The following PRKD3 variants were observed in gnomAD, a reference collection of about 807,000 sequenced individuals.
PRKD3 encodes the protein serine/threonine-protein kinase D3.
Under a neutral mutation model 99.2 loss-of-function variants are expected in PRKD3, and 47 were observed. The observed-to-expected ratio is 0.47, with a 90% CI of 0.38 to 0.60. The LOEUF (loss-of-function observed/expected upper bound fraction) is 0.60. Ranked by LOEUF, PRKD3 falls within the 20% of genes least tolerant of loss-of-function variation. The pLI is 0.00. For synonymous variants in PRKD3, 392 were observed against 355.4 expected (o/e 1.10, Z -1.16); for missense variants, 1,019 against 1,088.4 (o/e 0.94, Z 0.90).
chr2:37,252,686 T>G lies in PRKD3; in HGVS notation c.*491A>C, dbSNP rs1384076082. ...GTTAAACCAATGTTAAAAGTCCTTA[T>G]AGTAACATCACATAATGGTAACCTC... On this transcript the variant is annotated 3_prime_UTR_variant, in exon 19 of 19. Transcript: ENST00000234179. The G allele has an allele frequency of 1.3e-5, 2 of 152,028 alleles. No homozygotes were observed. The highest frequency in any genetic ancestry group is 2.9e-5 in the Non-Finnish European group (2 of 68,002). The allele number at this position is 152,028 out of a possible 1,614,324, so 9.4% of individuals were successfully genotyped here.
At chr2:37,264,013 C>T (rs1378459915) in intron 14 of PRKD3, among the ~76,000 whole-genome samples, 1 of 152,088 alleles carries the variant, frequency 6.6e-6, no homozygotes, top group Non-Finnish European at 1.5e-5. Flanking sequence ...AACACCACAC[C>T]TTTTCTCCCA....
chr2:37,272,405 G>T lies in PRKD3; in HGVS notation c.1679C>A (p.Ser560Tyr). 6.2e-7 allele frequency: 1 copy of T among 1,606,550 alleles called. No individual in the cohort carries two copies. Among genetic ancestry groups the T allele is most frequent in the Non-Finnish European group, 8.5e-7 (1 of 1,177,688 alleles). The change falls in exon 12 of 19, where the codon TCT becomes TAT. Residue 560 changes from serine (S) to tyrosine (Y), a missense_variant. By Grantham distance (144) the Ser-to-Tyr change is moderately radical (BLOSUM62 -2). Transcript: ENST00000234179. ...HKDLSTSISV[S>Y]NCQIQENVDI... ...CACATTCTCCTGAATCTGACAATTA[G>T]ATACAGAGATACTTGTAGACAAATC...
intron 2 of PRKD3, among the ~76,000 whole-genome samples, chr2:37,300,732 CTCTT>C (rs1670886967): frequency 6.6e-6 from 1 of 152,206 alleles, no homozygotes; most frequent in Admixed American, 6.5e-5. Context: ...CTATTCCAAT[CTCTT>C]GTGAGTATGA....
At chr2:37,304,571 T>C (rs1572692780) in intron 2 of PRKD3, among the ~76,000 whole-genome samples, 2 of 152,078 alleles carry the variant, frequency 1.3e-5, no homozygotes, top group Non-Finnish European at 2.9e-5. Flanking sequence ...TGAAACGCCA[T>C]CTCTAGTAAA....
At chr2:37,289,639 G>T (rs939505190) in intron 4 of PRKD3, 126 bp from the exon 5 acceptor site, 7 of 742,826 alleles carry the variant, frequency 9.4e-6, no homozygotes, top group Non-Finnish European at 1.4e-5. Context: ...TCCTAATTAA[G>T]AACCCAGACA....
intron 2 of PRKD3, among the ~76,000 whole-genome samples, chr2:37,315,369 A>G (rs891658473): frequency 1.3e-5 from 2 of 152,182 alleles, no homozygotes; most frequent in Non-Finnish European, 2.9e-5. Flanking sequence ...ATTTTCAAAT[A>G]TTTTGTCGTA....
In PRKD3 at chr2:37,319,703, A is replaced by G. The variant is rs540279666; in HGVS notation, c.-655-2524T>C. ...CTGTATACTCCTTGTTACTCAGCCT[A>G]TATCACAATTATGTTTATATCTATG... is the stretch of plus-strand genomic sequence containing the variant. On this transcript the variant is annotated intron_variant, in intron 1 of 18. Coordinates refer to ENST00000234179, the MANE Select transcript of PRKD3 (RefSeq NM_005813.6). Among the ~76,000 whole-genome samples, 21 of 152,264 alleles carry G rather than the reference A, an allele frequency of 1.4e-4. No homozygotes were observed. In the South Asian group the frequency reaches 4.4e-3, roughly 32 times the overall value.
At chr2:37,300,544 C>T (rs1558569271) in intron 2 of PRKD3, among the ~76,000 whole-genome samples, 2 of 152,048 alleles carry the variant, frequency 1.3e-5, no homozygotes, top group African/African-American at 4.8e-5. Context: ...GTTCCTAACA[C>T]AAAGAAATGA....
chr2:37,264,402 G>A (rs188570793), intron 14 of PRKD3, among the ~76,000 whole-genome samples: 2 of 152,102 alleles, frequency 1.3e-5, no homozygotes, highest in East Asian at 3.9e-4. Context: ...GCCTTGTCTC[G>A]CAGAGCTTAT....
rs1315406455 is a variant in PRKD3, at chr2:37,274,566, C to T, written c.1506G>A (p.Gly502=). ...TMVYFVGENN[G]DSSHNPVLAA... is the part of the protein sequence containing the mutation. ...CAAGAACAGGATTATGAGAGCTGTC[C>T]CCATTGTTCTCACCAACGAAGTATA... The change falls in exon 11 of 19, where the codon GGG becomes GGA. Residue 502 remains glycine, a synonymous_variant. Transcript: ENST00000234179. The T allele has an allele frequency of 3.1e-6, 5 of 1,613,898 alleles. No homozygotes were observed. Among genetic ancestry groups the T allele is most frequent in the Non-Finnish European group, 3.4e-6 (4 of 1,179,980 alleles).
chr2:37,275,386 G>T (rs1468383471), intron 10 of PRKD3, among the ~76,000 whole-genome samples: 3 of 152,150 alleles, frequency 2.0e-5, no homozygotes, highest in African/African-American at 7.2e-5. Flanking sequence ...CAAGCAATTG[G>T]GAATTGGCAC....
Position 37,272,471 on chromosome 2 carries a change from AT to A in PRKD3, c.1652-40del, listed in dbSNP as rs772864289. On this transcript the variant is annotated intron_variant, in intron 11 of 18. Transcript: ENST00000234179. ...AAAAGACAAAATTTAGTATATGACA[AT>A]ATTATTAATCTTTACTGACATGTGA... 7 of 1,571,134 alleles carry A rather than the reference AT, an allele frequency of 4.5e-6. No homozygotes were observed. In the South Asian group the frequency reaches 7.1e-5, roughly 16 times the overall value.
At chr2:37,284,641 CAT>C (rs1670003390) in intron 6 of PRKD3, among the ~76,000 whole-genome samples, 1 of 152,174 alleles carries the variant, frequency 6.6e-6, no homozygotes, top group Non-Finnish European at 1.5e-5. Context: ...TGTAGTAACT[CAT>C]ATTCAAAGCA....
At chr2:37,265,974 G>A (rs1203702222) in intron 14 of PRKD3, among the ~76,000 whole-genome samples, 1 of 152,096 alleles carries the variant, frequency 6.6e-6, no homozygotes, top group Non-Finnish European at 1.5e-5. Flanking sequence ...AATTTTTATT[G>A]TTTCGCTTAC....
intron 12 of PRKD3, 29 bp downstream of exon 12, chr2:37,272,351 T>C (rs1011373809): frequency 6.3e-7 from 1 of 1,595,716 alleles, no homozygotes. Context: ...AATCACCCAG[T>C]TTACACATTA....
chr2:37,319,604 CTAATA>C (rs747428315), intron 1 of PRKD3, among the ~76,000 whole-genome samples: 7 of 152,148 alleles, frequency 4.6e-5, no homozygotes, highest in Non-Finnish European at 7.4e-5. Context: ...ATTCAAACTG[CTAATA>C]TAATGGGTGA....
Position 37,300,434 on chromosome 2 carries a change from A to G in PRKD3, c.289-7163T>C, listed in dbSNP as rs1670872541. Among the ~76,000 whole-genome samples the G allele has an allele frequency of 4.6e-5, 7 of 152,236 alleles. No individual in the cohort carries two copies. In the South Asian group the frequency reaches 1.4e-3, roughly 31 times the overall value. Reference sequence around the variant, plus strand: ...AATGATTACAAAACTACAGTTAGATAGAAAAAATAAGATCCAGTGTTTGGT... The same window carrying G: ...AATGATTACAAAACTACAGTTAGATGGAAAAAATAAGATCCAGTGTTTGGT... On this transcript the variant is annotated intron_variant, in intron 2 of 18. Transcript: ENST00000234179.
intron 4 of PRKD3, among the ~76,000 whole-genome samples, chr2:37,289,942 A>G (rs1244802286): frequency 6.6e-6 from 1 of 152,242 alleles, no homozygotes; most frequent in Non-Finnish European, 1.5e-5. Context: ...TGAAAATTTT[A>G]TGAAACTCAA....
rs1670087897 is a variant in PRKD3, at chr2:37,286,234, A to G, written c.853T>C (p.Cys285Arg). 3 of 1,614,146 alleles carry G rather than the reference A, an allele frequency of 1.9e-6. No homozygotes were observed. Among genetic ancestry groups the G allele is most frequent in the South Asian group, 1.1e-5 (1 of 91,084 alleles). Residue 285 changes from cysteine (C) to arginine (R), a missense_variant, in exon 6 of 19, where the codon TGT (cysteine) becomes CGT (arginine). Cys to Arg is a radical substitution (Grantham distance 180). Coordinates refer to ENST00000234179, the MANE Select transcript of PRKD3 (RefSeq NM_005813.6). ...AVHSYTRPTI[C>R]QYCKRLLKGL... ...TTCAGTAACCGCTTGCAGTACTGACATATCGTGGGACGGGTGTAAGAGTGA... is the reference window on the plus strand; with the variant it reads ...TTCAGTAACCGCTTGCAGTACTGACGTATCGTGGGACGGGTGTAAGAGTGA...
Sources: allele counts gnomAD v4.1 joint callset (sites outside exome capture counted in the v4.1 genomes callset), GRCh38; gene constraint gnomAD v4.1.1; transcripts MANE v1.5; gene names NCBI Gene and HGNC (gene_info 2026-07-23, HGNC 2026-07-21).